Variants in RAPGEF6 observed in about 807,000 individuals in gnomAD.
RAPGEF6 encodes PDZ domain containing guanine nucleotide exchange factor (GEF) 2.
In RAPGEF6, 56 loss-of-function variants were observed where a neutral mutation model predicts 171.4. That is an observed-to-expected ratio of 0.33 (90% CI 0.26 to 0.41). The LOEUF (loss-of-function observed/expected upper bound fraction) is 0.41, where lower values mean the gene tolerates loss of function less well. RAPGEF6 is among the 10% of genes least tolerant of loss of function. RAPGEF6 has a pLI of 1.00. For missense variants in RAPGEF6, 1,674 were observed against 1,921.4 expected (o/e 0.87, Z 2.41); for synonymous variants, 692 against 650.1 (o/e 1.06, Z -0.98).
intron 24 of RAPGEF6, among the ~76,000 whole-genome samples, chr5:131,437,542 A>C (rs1752090424): frequency 6.6e-6 from 1 of 152,236 alleles, no homozygotes. Flanking sequence ...CTTATCCTAC[A>C]TCGCAAGATC....
intron 3 of RAPGEF6, among the ~76,000 whole-genome samples, chr5:131,601,544 T>C (rs1056463028): frequency 6.6e-6 from 1 of 152,132 alleles, no homozygotes; most frequent in African/African-American, 2.4e-5. Flanking sequence ...TCCAAATACC[T>C]GATAGAAACA....
At chr5:131,589,728 A>C (rs1580634308) in intron 4 of RAPGEF6, among the ~76,000 whole-genome samples, 1 of 152,252 alleles carries the variant, frequency 6.6e-6, no homozygotes, top group Non-Finnish European at 1.5e-5. Context: ...GTGCTAGAGT[A>C]ACACTGCAGT....
chr5:131,474,323 A>C (rs1754950940), intron 16 of RAPGEF6, among the ~76,000 whole-genome samples: 1 of 152,026 alleles, frequency 6.6e-6, no homozygotes, highest in Non-Finnish European at 1.5e-5. Flanking sequence ...AATTAGCCAG[A>C]AGTCGGGTGG....
chr5:131,585,025 T>C (rs1182210027), intron 4 of RAPGEF6, among the ~76,000 whole-genome samples: 2 of 151,866 alleles, frequency 1.3e-5, no homozygotes, highest in Admixed American at 1.3e-4. Flanking sequence ...CAGAAAGCAA[T>C]GGCCAATAAG....
intron 17 of RAPGEF6, chr5:131,469,835 A>G: frequency 1.3e-6 from 2 of 1,519,838 alleles, no homozygotes; most frequent in East Asian, 2.5e-5. Context: ...GCAAAAATAA[A>G]GCAAAATCAA....
intron 6 of RAPGEF6, among the ~76,000 whole-genome samples, chr5:131,527,861 A>G (rs1417639264): frequency 2.6e-5 from 4 of 150,980 alleles, no homozygotes; most frequent in Non-Finnish European, 5.9e-5. Flanking sequence ...TAAAAATACA[A>G]AAAATTAGCC....
chr5:131,512,504 A>G (rs1757804940), intron 7 of RAPGEF6, among the ~76,000 whole-genome samples: 1 of 151,814 alleles, frequency 6.6e-6, no homozygotes, highest in Admixed American at 6.6e-5. Flanking sequence ...GCTTTTGTTA[A>G]TTCAAGTTAA....
intron 1 of RAPGEF6, among the ~76,000 whole-genome samples, chr5:131,615,916 G>A (rs1765235454): frequency 6.6e-6 from 1 of 151,448 alleles, no homozygotes; most frequent in Admixed American, 6.6e-5. Context: ...AAAAAAAAAA[G>A]AGGGAAGTCA....
chr5:131,601,225 A>G (rs1764232641), intron 3 of RAPGEF6, among the ~76,000 whole-genome samples: 1 of 151,986 alleles, frequency 6.6e-6, no homozygotes, highest in Non-Finnish European at 1.5e-5. Context: ...CTCTACTAAA[A>G]ATACAAAAAA....
intron 3 of RAPGEF6, among the ~76,000 whole-genome samples, chr5:131,593,552 A>G (rs1763713129): frequency 6.6e-6 from 1 of 152,242 alleles, no homozygotes; most frequent in South Asian, 2.1e-4. Context: ...AAAAGTTTGG[A>G]ACTTCCTAGA....
rs1173790601 is a variant in RAPGEF6, at chr5:131,492,814, T to C, written c.1528-29A>G. ...TTAAGCAGAAAAGGATAAATGTATATAAATGTATCTATTCCTATAGGTTTT... is the reference window on the plus strand; with the variant it reads ...TTAAGCAGAAAAGGATAAATGTATACAAATGTATCTATTCCTATAGGTTTT... On this transcript the variant is annotated intron_variant, in intron 13 of 27. Transcript: ENST00000509018. The C allele has an allele frequency of 3.2e-6, 5 of 1,564,974 alleles. No individual in the cohort carries two copies. The African/African-American group carries it at 4.1e-5, about 13-fold the overall frequency.
intron 23 of RAPGEF6, 72 bp downstream of exon 23, chr5:131,442,277 G>T: frequency 7.2e-7 from 1 of 1,383,442 alleles, no homozygotes; most frequent in Non-Finnish European, 9.9e-7. Context: ...CTGAACATCT[G>T]TAATTATTTT....
At chr5:131,432,597 A>C (rs1171367370) in intron 25 of RAPGEF6, among the ~76,000 whole-genome samples, 2 of 152,110 alleles carry the variant, frequency 1.3e-5, no homozygotes, top group Admixed American at 6.5e-5. Context: ...CAGCCTGGGC[A>C]ACAAGAGTGA....
chr5:131,605,670 T>TG (rs1254556464), intron 1 of RAPGEF6, among the ~76,000 whole-genome samples: 22 of 152,016 alleles, frequency 1.4e-4, no homozygotes, highest in Non-Finnish European at 5.9e-5. Flanking sequence ...GTGGGGGTAC[T>TG]GGGGGAGAAA....
chr5:131,634,919 T>C (rs1766543233), intron 1 of RAPGEF6, 43 bp downstream of exon 1: 1 of 1,608,850 alleles, frequency 6.2e-7, no homozygotes, highest in East Asian at 2.2e-5. Context: ...GAGGATGCTG[T>C]CTACTGGACT....
At chr5:131,558,351 G>C (rs940493763) in intron 5 of RAPGEF6, among the ~76,000 whole-genome samples, 1 of 151,414 alleles carries the variant, frequency 6.6e-6, no homozygotes, top group Non-Finnish European at 1.5e-5. Flanking sequence ...TTTCCTTCCT[G>C]ATACTGATTG....
At chr5:131,435,772 A>C in intron 24 of RAPGEF6, 2 of 1,249,162 alleles carry the variant, frequency 1.6e-6, no homozygotes, top group South Asian at 1.8e-5. Flanking sequence ...AAGAGTATAA[A>C]ATTTACTAAC....
At chr5:131,577,921 C>A (rs138106355) in intron 4 of RAPGEF6, among the ~76,000 whole-genome samples, 1 of 152,200 alleles carries the variant, frequency 6.6e-6, no homozygotes, top group Non-Finnish European at 1.5e-5. Flanking sequence ...CATGGCTTTA[C>A]GCAGTCACCC....
chr5:131,476,652 C>T (rs1054727435), intron 16 of RAPGEF6, among the ~76,000 whole-genome samples: 1 of 152,032 alleles, frequency 6.6e-6, no homozygotes, highest in African/African-American at 2.4e-5. Context: ...TTGCCTCAGC[C>T]TCCCAAGCAG....
Sources: allele counts gnomAD v4.1 joint callset (sites outside exome capture counted in the v4.1 genomes callset), GRCh38; gene constraint gnomAD v4.1.1; transcripts MANE v1.5; gene names NCBI Gene and HGNC (gene_info 2026-07-23, HGNC 2026-07-21).